Variants in CELF2 observed in about 807,000 individuals in gnomAD.
CELF2 encodes the protein CUG triplet repeat RNA-binding protein 2.
In CELF2, 8 loss-of-function variants were observed where a neutral mutation model predicts 62.6. The observed-to-expected ratio is 0.13, with a 90% CI of 0.07 to 0.23. The LOEUF (loss-of-function observed/expected upper bound fraction) is 0.23, where lower values mean the gene tolerates loss of function less well. CELF2 is among the 10% of genes least tolerant of loss of function. CELF2 has a pLI of 1.00. For synonymous variants in CELF2, 258 were observed against 250.0 expected, an observed-to-expected ratio of 1.03 and a Z score of -0.30; for missense variants, 333 against 671.0, an observed-to-expected ratio of 0.50 and a Z score of 5.56.
chr10:10,841,272 G>A (rs2058664309), intron 1 of CELF2, among the ~76,000 whole-genome samples: 1 of 151,530 alleles, frequency 6.6e-6, no homozygotes, highest in African/African-American at 2.4e-5. Context: ...CTTTCTCAAA[G>A]CTGAGTTTTT....
chr10:10,958,593 C>T (rs898002752), intron 2 of CELF2, among the ~76,000 whole-genome samples: 1 of 152,136 alleles, frequency 6.6e-6, no homozygotes, highest in Non-Finnish European at 1.5e-5. Flanking sequence ...CATGGTGGCT[C>T]AGAGGTTTGG....
intron 4 of CELF2, among the ~76,000 whole-genome samples, chr10:11,251,658 C>T (rs2077178028): frequency 6.6e-6 from 1 of 152,134 alleles, no homozygotes; most frequent in East Asian, 1.9e-4. Flanking sequence ...GTTATTTAAC[C>T]TTACTCAGCA....
At chr10:10,622,387 T>A in the CELF2 span, among the ~76,000 whole-genome samples, 1 of 152,034 alleles carries the variant, frequency 6.6e-6, no homozygotes, top group Non-Finnish European at 1.5e-5. Flanking sequence ...GATGGGTGGA[T>A]CACTTGAGCC....
At chr10:10,553,370 A>AC in the CELF2 span, among the ~76,000 whole-genome samples, 6 of 152,110 alleles carry the variant, frequency 3.9e-5, no homozygotes, top group East Asian at 3.9e-4. Flanking sequence ...CAAACCATAT[A>AC]ATGCCTCTTC....
At chr10:10,696,706 T>C in the CELF2 span, among the ~76,000 whole-genome samples, 3 of 152,122 alleles carry the variant, frequency 2.0e-5, no homozygotes, top group African/African-American at 7.2e-5. Flanking sequence ...AGTCTCGTGG[T>C]GCGCCGTTTT....
chr10:10,732,575 G>C, the CELF2 span, among the ~76,000 whole-genome samples: 1 of 145,990 alleles, frequency 6.8e-6, no homozygotes, highest in Non-Finnish European at 1.5e-5. Context: ...CCAGGCTGGA[G>C]TGCAGTGGTA....
intron 5 of CELF2, among the ~76,000 whole-genome samples, chr10:11,258,815 G>A (rs1346588001): frequency 6.6e-6 from 1 of 152,166 alleles, no homozygotes; most frequent in Non-Finnish European, 1.5e-5. Context: ...GCCTCCCGAG[G>A]AGCTGGGACG....
chr10:10,729,481 G>C, the CELF2 span, among the ~76,000 whole-genome samples: 693 of 152,246 alleles, frequency 4.6e-3, 4 homozygotes, highest in African/African-American at 0.015. Context: ...CAAGTTCCAA[G>C]ATATTCCTAA....
At chr10:10,775,625 A>AT in the CELF2 span, among the ~76,000 whole-genome samples, 352 of 108,234 alleles carry the variant, frequency 3.3e-3, no homozygotes, top group Middle Eastern at 9.6e-3. Context: ...AAAAAAAAAA[A>AT]ATATATATAT....
intron 1 of CELF2, among the ~76,000 whole-genome samples, chr10:10,834,996 T>C (rs951819100): frequency 1.3e-5 from 2 of 152,184 alleles, no homozygotes; most frequent in Non-Finnish European, 2.9e-5. Flanking sequence ...ACCTTCTTAA[T>C]GTCTCTCACA....
chr10:10,659,402 A>G, the CELF2 span, among the ~76,000 whole-genome samples: 899 of 152,316 alleles, frequency 5.9e-3, 3 homozygotes, highest in Non-Finnish European at 8.8e-3. Flanking sequence ...GTAATTGCCA[A>G]TGAGTGTCAT....
At chr10:10,996,801 G>T (rs1182264558) in intron 2 of CELF2, among the ~76,000 whole-genome samples, 1 of 151,988 alleles carries the variant, frequency 6.6e-6, no homozygotes, top group African/African-American at 2.4e-5. Flanking sequence ...TTCTGGGCTG[G>T]TCTCTTCCAC....
chr10:11,293,269 G>A (rs1029250940), intron 9 of CELF2, among the ~76,000 whole-genome samples: 13 of 152,138 alleles, frequency 8.5e-5, no homozygotes, highest in African/African-American at 2.7e-4. Context: ...AGTGTGGGTG[G>A]GTATAAAAGC....
the CELF2 span, among the ~76,000 whole-genome samples, chr10:10,498,621 A>C: frequency 1.3e-5 from 2 of 152,188 alleles, no homozygotes; most frequent in Non-Finnish European, 2.9e-5. Flanking sequence ...GTTATCTTGC[A>C]GGTACAGTCA....
Position 11,206,874 on chromosome 10 carries a change from G to C in CELF2, c.272-10551G>C, listed in dbSNP as rs551075672. Among the ~76,000 whole-genome samples, 29 of 152,334 alleles carry C rather than the reference G, an allele frequency of 1.9e-4. 1 individual carries two copies. The highest frequency in any genetic ancestry group is 6.8e-3 in the Middle Eastern group (2 of 294). ...CCTTGCTTTCTTCACGTCACCCCCT[G>C]GGGGCCTGGACAAATGCACACGTCA... On this transcript the variant is annotated intron_variant, in intron 2 of 12. Coordinates refer to ENST00000633077, the MANE Select transcript of CELF2 (RefSeq NM_001326342.2).
chr10:10,570,135 T>C, the CELF2 span, among the ~76,000 whole-genome samples: 1 of 152,074 alleles, frequency 6.6e-6, no homozygotes, highest in African/African-American at 2.4e-5. Context: ...AGGTCTTGCA[T>C]ATAGGGAGCT....
intron 1 of CELF2, among the ~76,000 whole-genome samples, chr10:11,086,578 TAAAAAAAAAAAAAAAAAAA>T (rs1168932032): frequency 5.6e-5 from 4 of 71,982 alleles, no homozygotes; most frequent in Admixed American, 2.3e-4. Context: ...TTGCATTTGT[TAAAAAAAAAAAAAAAAAAA>T]AAAAAAAAAA....
the CELF2 span, among the ~76,000 whole-genome samples, chr10:10,747,323 A>G: frequency 3.3e-5 from 5 of 152,344 alleles, no homozygotes; most frequent in South Asian, 1.0e-3. Context: ...TAAAACACAC[A>G]AAAAATTGAA....
chr10:10,837,818 CT>C (rs1225660934), intron 1 of CELF2, among the ~76,000 whole-genome samples: 9 of 151,504 alleles, frequency 5.9e-5, no homozygotes, highest in African/African-American at 1.2e-4. Context: ...TTTTAGTAGA[CT>C]TTTTTTTTCC....
Sources: allele counts gnomAD v4.1 joint callset (sites outside exome capture counted in the v4.1 genomes callset), GRCh38; gene constraint gnomAD v4.1.1; transcripts MANE v1.5; gene names NCBI Gene and HGNC (gene_info 2026-07-23, HGNC 2026-07-21).